INPPL1: variants seen among roughly 807,000 people sequenced by gnomAD.
INPPL1 encodes the protein phosphatidylinositol 3,4,5-trisphosphate 5-phosphatase 2.
INPPL1 carries 91 observed loss-of-function variants against 139.3 expected under a neutral mutation model. The ratio of observed to expected loss-of-function variants is 0.65; its 90% CI spans 0.55 to 0.78. The LOEUF (loss-of-function observed/expected upper bound fraction) is 0.78, where lower values mean the gene tolerates loss of function less well. Among genes scored for constraint, INPPL1 ranks in the 30% least tolerant of loss-of-function variants. INPPL1 has a pLI of 0.00. For synonymous variants in INPPL1, 719 were observed against 686.6 expected, an observed-to-expected ratio of 1.05 and a Z score of -0.74; for missense variants, 1,411 against 1,665.6, an observed-to-expected ratio of 0.85 and a Z score of 2.66.
intron 12 of INPPL1, 140 bp from the exon 13 acceptor site, chr11:72,231,358 C>T: frequency 2.2e-6 from 2 of 905,582 alleles, no homozygotes; most frequent in African/African-American, 1.6e-5. Context: ...ACGAGAGGAA[C>T]CATTTCTCTC....
At position 72,228,256 on chromosome 11, in the gene INPPL1, A is replaced by C; in HGVS notation, c.246+3A>C. 6.2e-7 allele frequency: 1 copy of C among 1,614,020 alleles called. No individual in the cohort carries two copies. Among genetic ancestry groups the C allele is most frequent in the Non-Finnish European group, 8.5e-7 (1 of 1,179,910 alleles). Reference sequence around the variant, plus strand: ...GAGAAGATTTCTTGGCTGTGCAGGTAGGAGCTTGGGCCCCTGACCCCTGAC... The same window carrying C: ...GAGAAGATTTCTTGGCTGTGCAGGTCGGAGCTTGGGCCCCTGACCCCTGAC... On this transcript the variant is annotated splice_donor_region_variant and intron_variant, in intron 2 of 27. Transcript: ENST00000298229. The surrounding 1 kb of genome is among the most constrained non-coding windows in gnomAD (Gnocchi z 5.0).
chr11:72,228,307 C>T lies in INPPL1; in HGVS notation c.247-41C>T. 6.2e-7 allele frequency: 1 copy of T among 1,614,020 alleles called. No individual in the cohort carries two copies. The highest frequency in any genetic ancestry group is 8.5e-7 in the Non-Finnish European group (1 of 1,179,948). On this transcript the variant is annotated intron_variant, in intron 2 of 27. Transcript: ENST00000298229. This position sits in a 1 kb window ranked among gnomAD's most constrained non-coding sequence, Gnocchi z 5.0. ...CTTGATCCAGCCTAGGGCTTGGGGA[C>T]CTGCTGGCTGACCCTTCCTCCCACC...
In INPPL1 at chr11:72,225,226, G is replaced by A. The variant is rs552098930; in HGVS notation, c.182+60G>A. 4.8e-4 allele frequency: 592 copies of A among 1,226,318 alleles called. 1 individual carries two copies. The highest frequency in any genetic ancestry group is 5.9e-4 in the Non-Finnish European group (578 of 984,142). 76.0% of individuals were successfully genotyped at this position (1,226,318 alleles called of 1,614,324 possible). On this transcript the variant is annotated intron_variant, in intron 1 of 27. Coordinates refer to ENST00000298229, the MANE Select transcript of INPPL1 (RefSeq NM_001567.4). ...GGACCGGGAGCGCGGGCACGGCCGGGTGTGGAAAGGGCCCGGGTGAGGGTT... is the reference window on the plus strand; with the variant it reads ...GGACCGGGAGCGCGGGCACGGCCGGATGTGGAAAGGGCCCGGGTGAGGGTT...
In INPPL1 at chr11:72,237,381, G is replaced by T; in HGVS notation, c.3137G>T (p.Gly1046Val). ...AGTTCTTCAGATGAGGAGTCTGGAG[G>T]CACACTGCCCCCTCCAGACTTTCCA... Reference protein sequence around the residue: ...EGSSSDEESGGTLPPPDFPPP... With the variant: ...EGSSSDEESGVTLPPPDFPPP... The change falls in exon 26 of 28, where the codon GGC (glycine) becomes GTC (valine). Residue 1046 changes from glycine (G) to valine (V), a missense_variant. Physicochemically the swap from Gly to Val is moderately radical, Grantham distance 109. Transcript: ENST00000298229. The T allele has an allele frequency of 6.2e-7, 1 of 1,613,852 alleles. No individual in the cohort carries two copies. Among genetic ancestry groups the T allele is most frequent in the Non-Finnish European group, 8.5e-7 (1 of 1,180,006 alleles).
At position 72,232,666 on chromosome 11, in the gene INPPL1, C is replaced by A. The variant is rs752823059; in HGVS notation, c.1753C>A (p.Leu585Met). The A allele has an allele frequency of 6.2e-7, 1 of 1,613,908 alleles. No individual in the cohort carries two copies. Among genetic ancestry groups the A allele is most frequent in the Non-Finnish European group, 8.5e-7 (1 of 1,179,966 alleles). Reference protein sequence around the residue: ...NYLDILRLLSLGDRQLNAFDI... With the variant: ...NYLDILRLLSMGDRQLNAFDI... The stretch of plus-strand genomic sequence containing the variant: ...CTTGGACATCCTGCGGCTGCTCTCG[C>A]TGGGCGACCGGCAGCTCAATGCCTT... The change falls in exon 15 of 28, where the codon CTG (leucine) becomes ATG (methionine). Residue 585 changes from leucine (L) to methionine (M), a missense_variant. Leu to Met is a conservative substitution (Grantham distance 15). Coordinates refer to ENST00000298229, the MANE Select transcript of INPPL1 (RefSeq NM_001567.4).
Position 72,235,059 on chromosome 11 carries a change from G to GAGGGGCAGGAGGA in INPPL1, c.2416-54_2416-42dup. On this transcript the variant is annotated intron_variant, in intron 21 of 27. Coordinates refer to ENST00000298229, the MANE Select transcript of INPPL1 (RefSeq NM_001567.4). The surrounding 1 kb of genome is among the most constrained non-coding windows in gnomAD (Gnocchi z 4.9). ...AGTGGTGTCAGGGGGCAGCGCGTAG[G>GAGGGGCAGGAGGA]AGGGGCAGGAGGAAGTGGCGGGGCT... 7.0e-7 allele frequency: 1 copy of GAGGGGCAGGAGGA among 1,438,598 alleles called. No homozygotes were observed. Among genetic ancestry groups the GAGGGGCAGGAGGA allele is most frequent in the Non-Finnish European group, 9.7e-7 (1 of 1,026,258 alleles). The allele number at this position is 1,438,598 out of a possible 1,614,324, so 89.1% of individuals were successfully genotyped here. A position where few individuals can be genotyped will look rare whatever the true frequency, so the allele number is the denominator to read the frequency against.
At position 72,235,227 on chromosome 11, in the gene INPPL1, G is replaced by A. The variant is rs1948951943; in HGVS notation, c.2503+24G>A. 2 of 1,613,734 alleles carry A rather than the reference G, an allele frequency of 1.2e-6. No individual in the cohort carries two copies. The highest frequency in any genetic ancestry group is 1.7e-5 in the Admixed American group (1 of 59,994). ...TGGTGAGGGGTGAGGGGTGCTGAGG[G>A]GAACAGGAAGCCAGACAGGGCCCTA... is the stretch of plus-strand genomic sequence containing the variant. On this transcript the variant is annotated intron_variant, in intron 22 of 27. Coordinates refer to ENST00000298229, the MANE Select transcript of INPPL1 (RefSeq NM_001567.4). The surrounding 1 kb of genome is among the most constrained non-coding windows in gnomAD (Gnocchi z 4.9).
At chr11:72,226,310 A>C (rs1948672906) in intron 1 of INPPL1, among the ~76,000 whole-genome samples, 1 of 150,976 alleles carries the variant, frequency 6.6e-6, no homozygotes, top group Non-Finnish European at 1.5e-5. Flanking sequence ...CCTCGCCAGT[A>C]GCTGGGATTA....
rs1948964531 is a variant in INPPL1 at position 72,235,586 on chromosome 11, A to G, written c.2660-89A>G. ...GCTGGGAATAGTCCTGCCCCAAGGC[A>G]TAGCTGGGAAAGGGCTGGCAGGCCC... On this transcript the variant is annotated intron_variant, in intron 23 of 27. Transcript: ENST00000298229. This position sits in a 1 kb window ranked among gnomAD's most constrained non-coding sequence, Gnocchi z 4.9. 1.9e-6 allele frequency: 3 copies of G among 1,576,370 alleles called. No individual in the cohort carries two copies. In the East Asian group the frequency reaches 6.7e-5, roughly 35 times the overall value.
In INPPL1 at chr11:72,238,354, T is replaced by C. The variant is rs772770197; in HGVS notation, c.*1T>C. The stretch of plus-strand genomic sequence containing the variant: ...GGACACCCTGCAGCTCAGCAAGTGA[T>C]AGCGGAGGCACCACGAAGCTGTGAA... On this transcript the variant is annotated 3_prime_UTR_variant, in exon 28 of 28. Coordinates refer to ENST00000298229, the MANE Select transcript of INPPL1 (RefSeq NM_001567.4). 15 of 1,538,424 alleles carry C rather than the reference T, an allele frequency of 9.8e-6. No homozygotes were observed. The highest frequency in any genetic ancestry group is 1.3e-5 in the Non-Finnish European group (15 of 1,144,374).
Position 72,237,334 on chromosome 11 carries a change from G to C in INPPL1, c.3090G>C (p.Arg1030=). The C allele has an allele frequency of 2.5e-6, 4 of 1,614,006 alleles. No individual in the cohort carries two copies. Among genetic ancestry groups the C allele is most frequent in the Non-Finnish European group, 3.4e-6 (4 of 1,180,020 alleles). The change falls in exon 26 of 28, where the codon CGG becomes CGC. Residue 1030 remains arginine (R), a synonymous_variant. Transcript: ENST00000298229. ...TVPAPQLGHH[R]HPRVGEGSSS... ...CTGCTCCACAGCTTGGGCACCACCG[G>C]CACCCTCGTGTGGGAGAGGGGAGTT...
At chr11:72,230,771 C>A in intron 10 of INPPL1, 25 bp from the exon 11 acceptor site, 2 of 1,605,714 alleles carry the variant, frequency 1.2e-6, no homozygotes, top group Non-Finnish European at 1.7e-6. Context: ...GCCTACCCGC[C>A]CCTGAGTGGC....
At chr11:72,227,975 ACGGGGGTGTTCTG>A in intron 1 of INPPL1, 1 of 337,766 alleles carries the variant, frequency 3.0e-6, no homozygotes, top group Non-Finnish European at 5.2e-6. Context: ...TGGTGGGGAG[ACGGGGGTGTTCTG>A]GTCATTCCTG....
rs755346094 is a variant in INPPL1 at position 72,229,778 on chromosome 11, C to T, written c.843+26C>T. On this transcript the variant is annotated intron_variant, in intron 7 of 27. Transcript: ENST00000298229. ...GTGGCATGATCTCTGACCCTTGACC[C>T]CCGATTCACTGGCCACTGTCATTGG... 5 of 1,603,132 alleles carry T rather than the reference C, an allele frequency of 3.1e-6. No individual in the cohort carries two copies. The Admixed American group carries it at 6.7e-5, about 21-fold the overall frequency.
rs141770958 is a variant in INPPL1, at chr11:72,225,471, G to A, written c.182+305G>A. On this transcript the variant is annotated intron_variant, in intron 1 of 27. Coordinates refer to ENST00000298229, the MANE Select transcript of INPPL1 (RefSeq NM_001567.4). Reference sequence around the variant, plus strand: ...GCAGACCCCTTCAGGCATCCTCCAGGTAGAAGGGAGCAGGGGAGAGGATGT... The same window carrying A: ...GCAGACCCCTTCAGGCATCCTCCAGATAGAAGGGAGCAGGGGAGAGGATGT... 5.2e-4 allele frequency: 508 copies of A among 985,450 alleles called. 4 individuals are homozygous for A. The African/African-American group carries it at 7.7e-3, about 15-fold the overall frequency. The allele number at this position is 985,450 out of a possible 1,614,324, so 61.0% of individuals were successfully genotyped here.
intron 15 of INPPL1, 48 bp from the exon 16 acceptor site, chr11:72,232,827 G>C: frequency 6.2e-7 from 1 of 1,613,662 alleles, no homozygotes; most frequent in Non-Finnish European, 8.5e-7. Flanking sequence ...ATCACCCCTG[G>C]CTCTGGCTCC....
Position 72,237,734 on chromosome 11 carries a change from C to G in INPPL1, c.3490C>G (p.Arg1164Gly), listed in dbSNP as rs377556632. 4.3e-6 allele frequency: 7 copies of G among 1,611,404 alleles called. No individual in the cohort carries two copies. Among genetic ancestry groups the G allele is most frequent in the Non-Finnish European group, 5.9e-6 (7 of 1,179,424 alleles). ...PPRGLPSDYG[R>G]PLSFPPPRIR... is the part of the protein sequence containing the mutation. ...CCGGGGACTGCCCTCGGACTATGGC[C>G]GGCCCCTCAGCTTCCCTCCACCCCG... is the stretch of plus-strand genomic sequence containing the variant. Residue 1164 changes from arginine to glycine, a missense_variant, in exon 26 of 28, where the codon CGG becomes GGG. Arg to Gly is a moderately radical substitution (Grantham distance 125, BLOSUM62 -2). Transcript: ENST00000298229.
In INPPL1 at chr11:72,234,259, G is replaced by C. The variant is rs1481821397; in HGVS notation, c.2213-22G>C. On this transcript the variant is annotated intron_variant, in intron 19 of 27. Transcript: ENST00000298229. The surrounding 1 kb of genome is among the most constrained non-coding windows in gnomAD (Gnocchi z 4.2). ...TGTGATCCTCTCAGTCCTCCTGTTT[G>C]TTCTCCTCCCTTTCTCCTCAGGGCT... 6.4e-7 allele frequency: 1 copy of C among 1,553,638 alleles called. No homozygotes were observed. Among genetic ancestry groups the C allele is most frequent in the Non-Finnish European group, 8.9e-7 (1 of 1,125,570 alleles).
At chr11:72,232,827 G>A (rs1045509200) in intron 15 of INPPL1, 48 bp from the exon 16 acceptor site, 19 of 1,613,544 alleles carry the variant, frequency 1.2e-5, no homozygotes, top group Non-Finnish European at 1.5e-5. Context: ...ATCACCCCTG[G>A]CTCTGGCTCC....
Sources: allele counts gnomAD v4.1 joint callset (sites outside exome capture counted in the v4.1 genomes callset), GRCh38; gene constraint gnomAD v4.1.1; non-coding constraint Gnocchi (gnomAD v3.1); transcripts MANE v1.5; gene names NCBI Gene and HGNC (gene_info 2026-07-23, HGNC 2026-07-21).